NEGR1: variants seen among roughly 807,000 people sequenced by gnomAD.
NEGR1 encodes the protein neuronal growth regulator 1, also known as IgLON family member 4.
In NEGR1, 10 loss-of-function variants were observed where a neutral mutation model predicts 40.9. The observed-to-expected ratio is 0.24, with a 90% CI of 0.15 to 0.42. The LOEUF is 0.42. Ranked by LOEUF, NEGR1 falls within the 10% of genes least tolerant of loss-of-function variation. The pLI is 1.00. For synonymous variants in NEGR1, 185 were observed against 166.8 expected, an observed-to-expected ratio of 1.11 and a Z score of -0.84; for missense variants, 352 against 438.9, an observed-to-expected ratio of 0.80 and a Z score of 1.77.
chr1:72,125,532 C>A (rs1484073863), intron 1 of NEGR1, among the ~76,000 whole-genome samples: 7 of 151,826 alleles, frequency 4.6e-5, no homozygotes, highest in Non-Finnish European at 5.9e-5. Context: ...ATTTGTAAAT[C>A]ACATTATTAT....
At chr1:72,219,965 A>T (rs1329362356) in intron 1 of NEGR1, among the ~76,000 whole-genome samples, 1 of 152,054 alleles carries the variant, frequency 6.6e-6, no homozygotes, top group Admixed American at 6.6e-5. Flanking sequence ...CTATTTCTTC[A>T]GGTAAGATCT....
chr1:71,797,559 T>C (rs1657384960), intron 2 of NEGR1, among the ~76,000 whole-genome samples: 1 of 152,160 alleles, frequency 6.6e-6, no homozygotes, highest in Non-Finnish European at 1.5e-5. Context: ...ATCAAAGTGA[T>C]TTAGAGGAAA....
chr1:71,855,849 C>T (rs1254713742), intron 2 of NEGR1, among the ~76,000 whole-genome samples: 1 of 151,858 alleles, frequency 6.6e-6, no homozygotes, highest in Admixed American at 6.6e-5. Flanking sequence ...ATTCTGAGCA[C>T]CTTATGTTGG....
At chr1:71,759,823 T>C (rs1655879840) in intron 3 of NEGR1, among the ~76,000 whole-genome samples, 1 of 151,560 alleles carries the variant, frequency 6.6e-6, no homozygotes, top group Admixed American at 6.6e-5. Context: ...TCACCCTGAC[T>C]GGTCTTGAAC....
intron 1 of NEGR1, among the ~76,000 whole-genome samples, chr1:72,254,795 T>C (rs943747115): frequency 1.3e-5 from 2 of 152,174 alleles, no homozygotes; most frequent in African/African-American, 4.8e-5. Context: ...AATGCTTTTC[T>C]TTCCATATAC....
chr1:71,706,564 C>CA (rs35126210), intron 3 of NEGR1, among the ~76,000 whole-genome samples: 43,203 of 116,126 alleles, frequency 0.37, 7,625 homozygotes, highest in East Asian at 0.53. Context: ...GTTGCTGCTC[C>CA]AAAAAAAAAA....
chr1:72,127,501 C>T (rs1462007234), intron 1 of NEGR1, among the ~76,000 whole-genome samples: 1 of 135,192 alleles, frequency 7.4e-6, no homozygotes, highest in Non-Finnish European at 1.6e-5. Flanking sequence ...GGGAGAATTG[C>T]AATTTGTTAT....
At chr1:71,583,456 C>G (rs981181015) in intron 6 of NEGR1, among the ~76,000 whole-genome samples, 2 of 152,136 alleles carry the variant, frequency 1.3e-5, no homozygotes, top group Admixed American at 1.3e-4. Context: ...CAGGCACATG[C>G]TAGCCTGAGA....
intron 2 of NEGR1, among the ~76,000 whole-genome samples, chr1:71,895,622 A>G (rs1327638080): frequency 1.3e-5 from 2 of 152,204 alleles, no homozygotes; most frequent in Non-Finnish European, 2.9e-5. Context: ...GTAACATATC[A>G]GTACATTATT....
intron 1 of NEGR1, among the ~76,000 whole-genome samples, chr1:72,066,577 A>T (rs78546038): frequency 0.015 from 2,277 of 152,228 alleles, 54 homozygotes; most frequent in African/African-American, 0.052. Flanking sequence ...TGAGGTCATA[A>T]GCTTGGGCTG....
At chr1:72,053,917 G>A (rs1255668683) in intron 1 of NEGR1, among the ~76,000 whole-genome samples, 2 of 150,022 alleles carry the variant, frequency 1.3e-5, no homozygotes, top group Admixed American at 6.7e-5. Flanking sequence ...ACCTCAACTA[G>A]ATGTTTGTTG....
At chr1:71,928,816 G>A (rs1177909288) in intron 2 of NEGR1, among the ~76,000 whole-genome samples, 2 of 151,938 alleles carry the variant, frequency 1.3e-5, no homozygotes, top group East Asian at 3.9e-4. Flanking sequence ...ATTGTTATCG[G>A]TAATTGAACT....
At chr1:71,676,087 C>T (rs1051052945) in intron 4 of NEGR1, among the ~76,000 whole-genome samples, 12 of 152,072 alleles carry the variant, frequency 7.9e-5, no homozygotes, top group Admixed American at 2.6e-4. Context: ...TGTAGGATGA[C>T]GATGAGAGTT....
At chr1:71,466,315 T>G (rs1646745532) in intron 6 of NEGR1, among the ~76,000 whole-genome samples, 1 of 152,112 alleles carries the variant, frequency 6.6e-6, no homozygotes, top group Admixed American at 6.6e-5. Flanking sequence ...TTAGTATATT[T>G]CATTCATTCA....
intron 1 of NEGR1, among the ~76,000 whole-genome samples, chr1:72,057,216 G>A (rs1034356232): frequency 6.6e-6 from 1 of 151,530 alleles, no homozygotes; most frequent in African/African-American, 2.4e-5. Context: ...ACTTACAACA[G>A]TCCAAACTTG....
intron 6 of NEGR1, among the ~76,000 whole-genome samples, chr1:71,439,081 A>G (rs1274926777): frequency 3.9e-5 from 6 of 151,978 alleles, no homozygotes; most frequent in Admixed American, 2.6e-4. Context: ...AAATTCCCCA[A>G]TCCTTTTTTC....
intron 1 of NEGR1, among the ~76,000 whole-genome samples, chr1:72,209,607 AT>A (rs1168150204): frequency 1.3e-5 from 2 of 151,856 alleles, no homozygotes; most frequent in Non-Finnish European, 2.9e-5. Flanking sequence ...GACAATTTTT[AT>A]TTTTGTACTA....
At chr1:71,897,028 G>A (rs568087487) in intron 2 of NEGR1, among the ~76,000 whole-genome samples, 2 of 152,244 alleles carry the variant, frequency 1.3e-5, no homozygotes, top group South Asian at 4.1e-4. Flanking sequence ...GTGCTCTGAT[G>A]CCATGTTACA....
At chr1:71,788,161 A>AT (rs200241478) in intron 2 of NEGR1, among the ~76,000 whole-genome samples, 1 of 152,044 alleles carries the variant, frequency 6.6e-6, no homozygotes, top group African/African-American at 2.4e-5. Context: ...GAGAACCTTT[A>AT]TTTTTTTAAA....
Sources: allele counts gnomAD v4.1 joint callset (sites outside exome capture counted in the v4.1 genomes callset), GRCh38; gene constraint gnomAD v4.1.1; transcripts MANE v1.5; gene names NCBI Gene and HGNC (gene_info 2026-07-23, HGNC 2026-07-21).